The following DENND3 variants were observed in gnomAD, a reference collection of about 807,000 sequenced individuals.
DENND3 encodes DENN domain-containing protein 3.
A neutral mutation model predicts 135.1 loss-of-function variants in DENND3; 88 were observed. The ratio of observed to expected loss-of-function variants is 0.65; its 90% CI spans 0.55 to 0.78. The LOEUF (loss-of-function observed/expected upper bound fraction) is 0.78, where lower values mean the gene tolerates loss of function less well. DENND3 is among the 30% of genes least tolerant of loss of function. The pLI, the probability that DENND3 is intolerant of heterozygous loss-of-function variation, is 0.00. For missense variants in DENND3, 1,392 were observed against 1,688.4 expected, an observed-to-expected ratio of 0.82 and a Z score of 3.08; for synonymous variants, 693 against 712.3, an observed-to-expected ratio of 0.97 and a Z score of 0.43.
intron 16 of DENND3, among the ~76,000 whole-genome samples, chr8:141,180,401 C>T (rs548816379): frequency 6.6e-6 from 1 of 152,256 alleles, no homozygotes; most frequent in South Asian, 2.1e-4. Flanking sequence ...GGCACTGTGT[C>T]ATGTTTGGGT....
At chr8:141,151,868 T>C (rs1818832534) in intron 7 of DENND3, 31 bp downstream of exon 7, 1 of 1,607,722 alleles carries the variant, frequency 6.2e-7, no homozygotes. Flanking sequence ...CTTGGAATGC[T>C]AAATTCCTGT....
At position 141,178,050 on chromosome 8, in the gene DENND3, A is replaced by T. The variant is rs551065049; in HGVS notation, c.2707-17A>T. The T allele has an allele frequency of 6.3e-7, 1 of 1,591,476 alleles. No homozygotes were observed. Among genetic ancestry groups the T allele is most frequent in the African/African-American group, 1.3e-5 (1 of 74,672 alleles). The stretch of plus-strand genomic sequence containing the variant: ...AGTGATTCTTGCTGTTTTGAAACGC[A>T]CGTGTTTCTGTTGTAGGACCCTCAC... On this transcript the variant is annotated splice_polypyrimidine_tract_variant and intron_variant, in intron 15 of 22. Coordinates refer to ENST00000519811, the MANE Select transcript of DENND3 (RefSeq NM_001352890.3).
chr8:141,142,258 C>T, intron 4 of DENND3: 1 of 411,936 alleles, frequency 2.4e-6, no homozygotes, highest in Non-Finnish European at 4.9e-6. Flanking sequence ...TTTTGAGTCT[C>T]ATAAAGTTAC....
At chr8:141,192,766 C>T (rs1403629519) in intron 22 of DENND3, 103 bp downstream of exon 22, 3 of 1,603,530 alleles carry the variant, frequency 1.9e-6, no homozygotes, top group Non-Finnish European at 2.5e-6. Context: ...TCGTGCCCTC[C>T]TGCCTTCGCC....
rs758350749 is a variant in DENND3, at chr8:141,192,322, C to T, written c.3380-9C>T. ...TGCCTGGCCCCATCCTAGCTCCTTC[C>T]TTCCACAGGCACAGGTAACAGCATC... On this transcript the variant is annotated splice_polypyrimidine_tract_variant and intron_variant, in intron 20 of 22. Coordinates refer to ENST00000519811, the MANE Select transcript of DENND3 (RefSeq NM_001352890.3). 1 of 1,613,890 alleles carries T rather than the reference C, an allele frequency of 6.2e-7. No homozygotes were observed. Among genetic ancestry groups the T allele is most frequent in the East Asian group, 2.2e-5 (1 of 44,888 alleles).
In DENND3 at chr8:141,168,514, C is replaced by G. The variant is rs199546730; in HGVS notation, c.2264C>G (p.Ala755Gly). Residue 755 changes from alanine to glycine, a missense_variant, in exon 13 of 23, where the codon GCC becomes GGC. Ala to Gly is a moderately conservative substitution (Grantham distance 60). Transcript: ENST00000519811. The surrounding 1 kb of genome is among the most constrained non-coding windows in gnomAD (Gnocchi z 6.2). ...AGCATCATACACCGGCTGTTCGAGG[C>G]CTTGACTGTAGGTAAGAGGAGGCCT... ...DASIIHRLFEALTVGQEKQID... is the reference protein window; with the variant it reads ...DASIIHRLFEGLTVGQEKQID... The G allele has an allele frequency of 1.2e-6, 2 of 1,606,428 alleles. No homozygotes were observed. The highest frequency in any genetic ancestry group is 1.7e-5 in the Admixed American group (1 of 59,772).
chr8:141,151,643 C>G lies in DENND3; in HGVS notation c.880C>G (p.Gln294Glu), dbSNP rs772531286. ...LQILTCILTE[Q>E]RIVFFSSDWA... ...GATCCTGACATGCATCCTGACGGAA[C>G]AGCGGATCGTCTTCTTCTCCTCGGA... The change falls in exon 7 of 23, where the codon CAG (glutamine) becomes GAG (glutamate). Residue 294 changes from glutamine to glutamate, a missense_variant. Physicochemically the swap from Gln to Glu is conservative, Grantham distance 29. Coordinates refer to ENST00000519811, the MANE Select transcript of DENND3 (RefSeq NM_001352890.3). 2.5e-6 allele frequency: 4 copies of G among 1,613,984 alleles called. No individual in the cohort carries two copies. In the Admixed American group the frequency reaches 5.0e-5, roughly 20 times the overall value.
chr8:141,149,977 C>G (rs1163537535), intron 5 of DENND3, among the ~76,000 whole-genome samples: 3 of 152,146 alleles, frequency 2.0e-5, no homozygotes, highest in African/African-American at 7.2e-5. Flanking sequence ...CCTGTTTTCT[C>G]CCCCCGGCTC....
At chr8:141,171,211 A>G (rs879520090) in intron 13 of DENND3, among the ~76,000 whole-genome samples, 1 of 152,240 alleles carries the variant, frequency 6.6e-6, no homozygotes, top group Non-Finnish European at 1.5e-5. Context: ...GTTAAAAAAA[A>G]CAACAAGGTT....
intron 13 of DENND3, among the ~76,000 whole-genome samples, chr8:141,172,048 G>A (rs1156535585): frequency 6.7e-6 from 1 of 149,392 alleles, no homozygotes; most frequent in East Asian, 2.0e-4. Flanking sequence ...AGTGTCTTGG[G>A]TGAGCATAGT....
intron 17 of DENND3, among the ~76,000 whole-genome samples, chr8:141,181,899 G>T (rs907354364): frequency 1.3e-5 from 2 of 151,946 alleles, no homozygotes; most frequent in African/African-American, 4.8e-5. Context: ...CAGCCTCCTG[G>T]GTAGCTGGGA....
chr8:141,163,372 T>C lies in DENND3; in HGVS notation c.1392T>C (p.Phe464=). ...KNHLNYEHRV[F]NSEEFLKTRA... ...ATTTAAACTATGAACACAGAGTCTT[T>C]AATAGTGAAGAATTTCTCAAAACCA... Residue 464 remains phenylalanine (F), a synonymous_variant, in exon 10 of 23, where the codon TTT becomes TTC. Transcript: ENST00000519811. The C allele has an allele frequency of 6.2e-7, 1 of 1,613,202 alleles. No individual in the cohort carries two copies. The highest frequency in any genetic ancestry group is 1.1e-5 in the South Asian group (1 of 91,022).
chr8:141,132,600 A>G (rs1057329541), intron 1 of DENND3, among the ~76,000 whole-genome samples: 1 of 152,094 alleles, frequency 6.6e-6, no homozygotes, highest in Non-Finnish European at 1.5e-5. Context: ...CAGGTGATCT[A>G]CCTGCCTCAG....
intron 1 of DENND3, among the ~76,000 whole-genome samples, chr8:141,135,118 G>A (rs1487035059): frequency 1.3e-5 from 2 of 151,670 alleles, no homozygotes. Context: ...TTACAGGCAT[G>A]AGCCACCGCG....
rs1569556464 is a variant in DENND3 at position 141,175,557 on chromosome 8, C to T, written c.2535+98C>T. On this transcript the variant is annotated intron_variant, in intron 14 of 22. Transcript: ENST00000519811. This position sits in a 1 kb window ranked among gnomAD's most constrained non-coding sequence, Gnocchi z 5.4. ...AGCAGTCTGCCAGCCATGCCAAGTACCAGCTGCAGCCCTTCTGCAGACCGA... is the reference window on the plus strand; with the variant it reads ...AGCAGTCTGCCAGCCATGCCAAGTATCAGCTGCAGCCCTTCTGCAGACCGA... The T allele has an allele frequency of 1.9e-6, 3 of 1,584,102 alleles. No individual in the cohort carries two copies. The highest frequency in any genetic ancestry group is 2.2e-5 in the East Asian group (1 of 44,608).
chr8:141,147,725 A>T (rs1298454709), intron 5 of DENND3, among the ~76,000 whole-genome samples: 1 of 152,178 alleles, frequency 6.6e-6, no homozygotes, highest in Non-Finnish European at 1.5e-5. Context: ...CGTCTCCCCC[A>T]TCAGACTCTG....
rs1047028425 is a variant in DENND3 at position 141,151,989 on chromosome 8, T to C, written c.1074+152T>C. ...GGTACCGTGAGAAGTGGCTGTTCAC[T>C]CACTGTGTCATTGTCCTGTGATGAA... On this transcript the variant is annotated intron_variant, in intron 7 of 22. Transcript: ENST00000519811. 7 of 959,580 alleles carry C rather than the reference T, an allele frequency of 7.3e-6. No individual in the cohort carries two copies. In the South Asian group the frequency reaches 9.4e-5, roughly 13 times the overall value. The allele number at this position is 959,580 out of a possible 1,614,324, so 59.4% of individuals were successfully genotyped here.
Position 141,194,441 on chromosome 8 carries a change from G to C in DENND3, c.*208G>C, listed in dbSNP as rs932362820. Reference sequence around the variant, plus strand: ...GGGCCCCCTGGTTAAACTGCACCAAGGGTGTTTCCTGTTGGGGTGTGTCTC... The same window carrying C: ...GGGCCCCCTGGTTAAACTGCACCAACGGTGTTTCCTGTTGGGGTGTGTCTC... On this transcript the variant is annotated 3_prime_UTR_variant, in exon 23 of 23. Coordinates refer to ENST00000519811, the MANE Select transcript of DENND3 (RefSeq NM_001352890.3). 5.3e-5 allele frequency: 32 copies of C among 601,470 alleles called. No individual in the cohort carries two copies. Among genetic ancestry groups the C allele is most frequent in the Non-Finnish European group, 9.1e-5 (31 of 341,880 alleles). 37.3% of individuals were successfully genotyped at this position (601,470 alleles called of 1,614,324 possible). A position where few individuals can be genotyped will look rare whatever the true frequency, so the allele number is the denominator to read the frequency against.
In DENND3 at chr8:141,186,803, G is replaced by A. The variant is rs146682481; in HGVS notation, c.3084+1525G>A. ...GATTCCTGCCCTGCTCATCCCTCCA[G>A]GCCCCCAGCGGCCCCTCCTGCCTGC... On this transcript the variant is annotated intron_variant, in intron 18 of 22. Coordinates refer to ENST00000519811, the MANE Select transcript of DENND3 (RefSeq NM_001352890.3). 1.4e-4 allele frequency among the ~76,000 whole-genome samples: 21 copies of A among 152,212 alleles called. No homozygotes were observed. In the East Asian group the frequency reaches 3.9e-3, roughly 28 times the overall value.
Sources: allele counts gnomAD v4.1 joint callset (sites outside exome capture counted in the v4.1 genomes callset), GRCh38; gene constraint gnomAD v4.1.1; non-coding constraint Gnocchi (gnomAD v3.1); transcripts MANE v1.5; gene names NCBI Gene and HGNC (gene_info 2026-07-23, HGNC 2026-07-21).